Variants in PIK3CB observed in about 807,000 individuals in gnomAD.
PIK3CB encodes the protein phosphatidylinositol 4,5-bisphosphate 3-kinase catalytic subunit beta isoform.
A neutral mutation model predicts 136.8 loss-of-function variants in PIK3CB; 39 were observed. The ratio of observed to expected loss-of-function variants is 0.29; its 90% confidence interval spans 0.22 to 0.37. The LOEUF (loss-of-function observed/expected upper bound fraction) is 0.37, where lower values mean the gene tolerates loss of function less well. PIK3CB is among the 10% of genes least tolerant of loss of function. The pLI is 1.00. For missense variants in PIK3CB, 868 were observed against 1,275.4 expected, an observed-to-expected ratio of 0.68 and a Z score of 4.87; for synonymous variants, 428 against 436.6, an observed-to-expected ratio of 0.98 and a Z score of 0.25.
chr3:138,707,379 A>C, intron 10 of PIK3CB, 90 bp from the exon 11 acceptor site: 2 of 1,456,112 alleles, frequency 1.4e-6, no homozygotes, highest in Non-Finnish European at 1.8e-6. Flanking sequence ...CATGAAAATC[A>C]CCTTAGAAGT....
chr3:138,704,690 A>G (rs2044326589), intron 11 of PIK3CB, among the ~76,000 whole-genome samples, 197 bp from the exon 12 acceptor site: 2 of 152,166 alleles, frequency 1.3e-5, no homozygotes, highest in Non-Finnish European at 2.9e-5. Context: ...TGGTATTGCT[A>G]TAAGGGATTA....
intron 8 of PIK3CB, among the ~76,000 whole-genome samples, chr3:138,729,579 T>C (rs561240439): frequency 1.3e-4 from 20 of 152,242 alleles, no homozygotes; most frequent in African/African-American, 4.8e-4. Flanking sequence ...GCCTTGTAAC[T>C]GGGACATTGG....
At chr3:138,810,125 G>A (rs1932948313) in intron 1 of PIK3CB, among the ~76,000 whole-genome samples, 1 of 152,150 alleles carries the variant, frequency 6.6e-6, no homozygotes, top group Admixed American at 6.6e-5. Flanking sequence ...GAGCAACAAA[G>A]TAATAAAGTA....
intron 1 of PIK3CB, among the ~76,000 whole-genome samples, chr3:138,820,229 GCT>G (rs1428993476): frequency 2.0e-5 from 3 of 152,062 alleles, no homozygotes; most frequent in Non-Finnish European, 2.9e-5. Context: ...ATCGTCCCCT[GCT>G]CTCATTCCTG....
rs746008651 is a variant in PIK3CB at position 138,691,116 on chromosome 3, T to C, written c.1920A>G (p.Leu640=). 9 of 1,612,918 alleles carry C rather than the reference T, an allele frequency of 5.6e-6. No individual in the cohort carries two copies. Among genetic ancestry groups the C allele is most frequent in the Non-Finnish European group, 7.6e-6 (9 of 1,179,394 alleles). Reference sequence around the variant, plus strand: ...CATATTTTAACACTTGCACCAGTTGTAAAAGATATTGAGAAAGTTCTTCAT... The same window carrying C: ...CATATTTTAACACTTGCACCAGTTGCAAAAGATATTGAGAAAGTTCTTCAT... ...MSDEELSQYL[L]QLVQVLKYEP... The change falls in exon 15 of 24, where the codon TTA becomes TTG. Residue 640 remains leucine, a synonymous_variant. Transcript: ENST00000674063.
chr3:138,723,298 C>T (rs978242678), intron 8 of PIK3CB, among the ~76,000 whole-genome samples: 4 of 152,076 alleles, frequency 2.6e-5, no homozygotes, highest in Non-Finnish European at 4.4e-5. Flanking sequence ...CGCCTGTAAT[C>T]GCAACACTTT....
At chr3:138,792,817 G>A (rs888034544) in intron 2 of PIK3CB, among the ~76,000 whole-genome samples, 3 of 151,874 alleles carry the variant, frequency 2.0e-5, no homozygotes, top group African/African-American at 7.3e-5. Context: ...ATACTCTGTT[G>A]CCCAGACTGG....
chr3:138,795,323 T>TAAA (rs56912195), intron 2 of PIK3CB, among the ~76,000 whole-genome samples: 7 of 112,370 alleles, frequency 6.2e-5, no homozygotes, highest in African/African-American at 2.1e-4. Flanking sequence ...CTCTGTCTTT[T>TAAA]AAAAAAAAAA....
chr3:138,794,289 G>A (rs1427869862), intron 2 of PIK3CB, among the ~76,000 whole-genome samples: 1 of 152,078 alleles, frequency 6.6e-6, no homozygotes, highest in African/African-American at 2.4e-5. Context: ...GCATAAAAGT[G>A]GTATGACATG....
chr3:138,663,748 G>C (rs2043349543), intron 21 of PIK3CB, among the ~76,000 whole-genome samples, 158 bp downstream of exon 21: 1 of 152,132 alleles, frequency 6.6e-6, no homozygotes, highest in Non-Finnish European at 1.5e-5. Flanking sequence ...ACATGTAGTA[G>C]ACTATATATG....
chr3:138,715,156 GT>G (rs2044582082), intron 8 of PIK3CB, among the ~76,000 whole-genome samples: 2 of 152,158 alleles, frequency 1.3e-5, no homozygotes, highest in Non-Finnish European at 2.9e-5. Flanking sequence ...TGGCTCCAAA[GT>G]TTCTTTCTAC....
At chr3:138,679,372 G>A (rs543185077) in intron 19 of PIK3CB, among the ~76,000 whole-genome samples, 53 of 151,908 alleles carry the variant, frequency 3.5e-4, no homozygotes, top group Non-Finnish European at 7.1e-4. Flanking sequence ...TGTTGCCCAG[G>A]ATAGTCTTGA....
intron 5 of PIK3CB, 22 bp from the exon 6 acceptor site, chr3:138,737,908 G>C (rs758371129): frequency 1.4e-6 from 2 of 1,466,822 alleles, no homozygotes; most frequent in Non-Finnish European, 9.3e-7. Context: ...GGGAGATGGG[G>C]AAAAAAGCAG....
intron 1 of PIK3CB, among the ~76,000 whole-genome samples, chr3:138,811,670 C>G (rs924326879): frequency 6.6e-6 from 1 of 152,030 alleles, no homozygotes; most frequent in Non-Finnish European, 1.5e-5. Flanking sequence ...ATGATCCGCC[C>G]GCCTCGGCCT....
intron 4 of PIK3CB, among the ~76,000 whole-genome samples, chr3:138,751,102 C>T (rs1161567768): frequency 6.6e-6 from 1 of 152,156 alleles, no homozygotes; most frequent in Non-Finnish European, 1.5e-5. Context: ...AATCTCTGAG[C>T]ATATTCATTT....
chr3:138,732,175 C>A (rs891783149), intron 8 of PIK3CB, among the ~76,000 whole-genome samples: 2 of 152,156 alleles, frequency 1.3e-5, no homozygotes, highest in African/African-American at 4.8e-5. Context: ...CTTTTCTTTT[C>A]TGAGGAGCGG....
At chr3:138,826,469 G>T in intron 1 of PIK3CB, 4 of 346,236 alleles carry the variant, frequency 1.2e-5, no homozygotes, top group Admixed American at 4.4e-5. Context: ...CCCCTCAGAA[G>T]AAAAGGAGAA....
intron 19 of PIK3CB, among the ~76,000 whole-genome samples, chr3:138,680,342 A>G (rs1559809284): frequency 6.6e-6 from 1 of 151,762 alleles, no homozygotes; most frequent in Non-Finnish European, 1.5e-5. Flanking sequence ...TGGGTGACAG[A>G]GCGAGACTGT....
intron 2 of PIK3CB, among the ~76,000 whole-genome samples, chr3:138,762,811 T>A (rs1410662345): frequency 6.6e-6 from 1 of 151,674 alleles, no homozygotes; most frequent in Non-Finnish European, 1.5e-5. Context: ...TACAAAAAAA[T>A]TAGCCAGGCA....
Sources: allele counts gnomAD v4.1 joint callset (sites outside exome capture counted in the v4.1 genomes callset), GRCh38; gene constraint gnomAD v4.1.1; transcripts MANE v1.5; gene names NCBI Gene and HGNC (gene_info 2026-07-23, HGNC 2026-07-21).